The following CCDC93 variants were observed in gnomAD, a reference collection of about 807,000 sequenced individuals.
CCDC93 encodes CCC complex scaffolding subunit CCDC93.
In CCDC93, 61 loss-of-function variants were observed where a neutral mutation model predicts 108.2. That is an observed-to-expected ratio of 0.56 (90% confidence interval 0.46 to 0.70). The LOEUF (loss-of-function observed/expected upper bound fraction) is 0.70, where lower values mean the gene tolerates loss of function less well. CCDC93 is among the 30% of genes least tolerant of loss of function. The probability of loss-of-function intolerance (pLI) is 0.00; values close to 1 mark genes in which losing one functional copy is unlikely to be tolerated. For missense variants in CCDC93, 685 were observed against 764.2 expected (o/e 0.90, Z 1.22); for synonymous variants, 276 against 260.4 (o/e 1.06, Z -0.58).
At chr2:117,925,511 A>G (rs1262118968) in intron 23 of CCDC93, among the ~76,000 whole-genome samples, 20 of 152,356 alleles carry the variant, frequency 1.3e-4, no homozygotes, top group Non-Finnish European at 5.9e-5. Context: ...GACAAAGATC[A>G]AAAGACACAA....
Position 117,939,126 on chromosome 2 carries a change from A to AAATCAGC in CCDC93, c.1523-22_1523-16dup, listed in dbSNP as rs772764079. ...CACTGCTGAAACTGTAAAAGTAAAG[A>AAATCAGC]AATCAGCACACGAATAAGAACAGGT... On this transcript the variant is annotated splice_polypyrimidine_tract_variant and intron_variant, in intron 19 of 23. Coordinates refer to ENST00000376300, the MANE Select transcript of CCDC93 (RefSeq NM_019044.5). The AAATCAGC allele has an allele frequency of 6.5e-7, 1 of 1,526,846 alleles. No individual in the cohort carries two copies. Among genetic ancestry groups the AAATCAGC allele is most frequent in the African/African-American group, 1.4e-5 (1 of 73,034 alleles). 94.6% of individuals were successfully genotyped at this position (1,526,846 alleles called of 1,614,324 possible). A position where few individuals can be genotyped will look rare whatever the true frequency, so the allele number is the denominator to read the frequency against.
At chr2:118,007,202 CA>C (rs1676896747) in intron 2 of CCDC93, among the ~76,000 whole-genome samples, 1 of 152,210 alleles carries the variant, frequency 6.6e-6, no homozygotes, top group South Asian at 2.1e-4. Context: ...TTTTATAGAC[CA>C]GACACATGGG....
At chr2:117,944,618 T>C in intron 17 of CCDC93, 1 of 425,882 alleles carries the variant, frequency 2.3e-6, no homozygotes, top group Non-Finnish European at 4.9e-6. Context: ...GGATGAGACA[T>C]GGTAAGAGAC....
intron 2 of CCDC93, among the ~76,000 whole-genome samples, 191 bp from the exon 3 acceptor site, chr2:118,007,007 A>G (rs78136508): frequency 0.018 from 2,733 of 150,640 alleles, 72 homozygotes; most frequent in African/African-American, 0.06. Flanking sequence ...CCGTTACAGA[A>G]AACTTTCTGC....
intron 11 of CCDC93, 98 bp downstream of exon 11, chr2:117,973,810 G>C (rs778111620): frequency 1.1e-6 from 1 of 892,848 alleles, no homozygotes. Context: ...AGTTACAAGA[G>C]AACACGGGGC....
At chr2:117,970,421 T>C (rs1679723358) in intron 11 of CCDC93, among the ~76,000 whole-genome samples, 1 of 151,696 alleles carries the variant, frequency 6.6e-6, no homozygotes, top group Admixed American at 6.6e-5. Flanking sequence ...ACCAGATCCA[T>C]GGAAAAACAA....
intron 12 of CCDC93, among the ~76,000 whole-genome samples, chr2:117,956,668 A>G (rs1287559074): frequency 6.6e-6 from 1 of 152,212 alleles, no homozygotes; most frequent in Non-Finnish European, 1.5e-5. Context: ...ATGTCTAAAC[A>G]AATAACTGAA....
intron 3 of CCDC93, among the ~76,000 whole-genome samples, chr2:118,005,491 C>T (rs1195163670): frequency 6.6e-6 from 1 of 152,146 alleles, no homozygotes; most frequent in African/African-American, 2.4e-5. Context: ...AGGCCAGGTG[C>T]GGTGGCTCAC....
intron 6 of CCDC93, among the ~76,000 whole-genome samples, chr2:117,995,221 G>C (rs1011938092): frequency 4.6e-5 from 7 of 152,168 alleles, no homozygotes; most frequent in African/African-American, 1.7e-4. Flanking sequence ...CTTAAAAGTG[G>C]AAGTGAGGGG....
At chr2:118,000,741 C>G in intron 4 of CCDC93, 80 bp downstream of exon 4, 1 of 849,782 alleles carries the variant, frequency 1.2e-6, no homozygotes, top group Non-Finnish European at 2.0e-6. Flanking sequence ...CCAGGACAGA[C>G]GGACCCATTA....
At chr2:117,987,258 T>C (rs567112634) in intron 6 of CCDC93, among the ~76,000 whole-genome samples, 41 of 152,296 alleles carry the variant, frequency 2.7e-4, no homozygotes, top group South Asian at 1.0e-3. Context: ...TACTTTACTA[T>C]TGAGGAAGCA....
chr2:117,982,763 G>C (rs972131894), intron 7 of CCDC93, among the ~76,000 whole-genome samples: 16 of 151,912 alleles, frequency 1.1e-4, no homozygotes, highest in African/African-American at 3.6e-4. Context: ...AGTGGGGGGG[G>C]GGGTGCGTGA....
At chr2:117,952,218 G>T (rs1248408422) in intron 13 of CCDC93, among the ~76,000 whole-genome samples, 155 bp downstream of exon 13, 2 of 151,624 alleles carry the variant, frequency 1.3e-5, no homozygotes, top group Non-Finnish European at 2.9e-5. Context: ...GCACTACCAT[G>T]TAACTGTCCT....
chr2:117,944,715 C>G (rs945262506), intron 17 of CCDC93: 1 of 470,988 alleles, frequency 2.1e-6, no homozygotes, highest in East Asian at 7.0e-5. Flanking sequence ...TATAAACACA[C>G]CCCCCTACCC....
At chr2:117,967,540 C>T (rs1183871736) in intron 11 of CCDC93, among the ~76,000 whole-genome samples, 1 of 152,158 alleles carries the variant, frequency 6.6e-6, no homozygotes, top group Non-Finnish European at 1.5e-5. Flanking sequence ...TCTAAGGAGG[C>T]ACAGCCACAG....
intron 8 of CCDC93, 107 bp from the exon 9 acceptor site, chr2:117,975,387 A>G: frequency 2.5e-6 from 2 of 790,478 alleles, no homozygotes; most frequent in South Asian, 3.1e-5. Flanking sequence ...ACAGACCTGC[A>G]GAGCAGCAGC....
chr2:117,933,380 C>T (rs370267168), intron 22 of CCDC93, among the ~76,000 whole-genome samples: 7 of 152,204 alleles, frequency 4.6e-5, no homozygotes, highest in African/African-American at 7.2e-5. Context: ...CTTACTCAGA[C>T]GTACCATTGT....
At chr2:117,952,496 A>C in intron 12 of CCDC93, 61 bp from the exon 13 acceptor site, 1 of 1,167,358 alleles carries the variant, frequency 8.6e-7, no homozygotes, top group Non-Finnish European at 1.3e-6. Context: ...CACAGATGTG[A>C]ATTTCACAGA....
At chr2:117,967,273 G>A (rs756100715) in intron 11 of CCDC93, among the ~76,000 whole-genome samples, 14 of 152,198 alleles carry the variant, frequency 9.2e-5, no homozygotes, top group Non-Finnish European at 2.1e-4. Flanking sequence ...GATTACAGGC[G>A]TGAGCCACCA....
Sources: allele counts gnomAD v4.1 joint callset (sites outside exome capture counted in the v4.1 genomes callset), GRCh38; gene constraint gnomAD v4.1.1; transcripts MANE v1.5; gene names NCBI Gene and HGNC (gene_info 2026-07-23, HGNC 2026-07-21).